Variants in CALN1 observed in about 807,000 individuals in gnomAD.
CALN1 encodes the protein calneuron 1, also known as calcium-binding protein 8.
In CALN1, 17 loss-of-function variants were observed where a neutral mutation model predicts 30.6. The observed-to-expected ratio is 0.56, with a 90% CI of 0.38 to 0.83. The LOEUF is 0.83. Among genes scored for constraint, CALN1 ranks in the 40% least tolerant of loss-of-function variants. The probability of loss-of-function intolerance (pLI) is 0.00; values close to 1 mark genes in which losing one functional copy is unlikely to be tolerated. For synonymous variants in CALN1, 156 were observed against 131.4 expected (o/e 1.19, Z -1.28); for missense variants, 291 against 354.9 (o/e 0.82, Z 1.45).
chr7:72,246,636 A>T (rs1795176466), intron 3 of CALN1, among the ~76,000 whole-genome samples: 1 of 152,204 alleles, frequency 6.6e-6, no homozygotes. Context: ...AGTGGACAGG[A>T]GAAAAAAAGA....
rs1042277856 is a variant in CALN1, at chr7:72,051,829, G to A, written c.389-28060C>T. On this transcript the variant is annotated intron_variant, in intron 4 of 6. Coordinates refer to ENST00000395275, the MANE Select transcript of CALN1 (RefSeq NM_031468.4). Reference sequence around the variant, plus strand: ...GTGGTCTCTATGGAAGCTGCAAACAGTGCTGGGGAAAATACTAGATTCCTT... The same window carrying A: ...GTGGTCTCTATGGAAGCTGCAAACAATGCTGGGGAAAATACTAGATTCCTT... Among the ~76,000 whole-genome samples the A allele has an allele frequency of 2.0e-5, 3 of 152,168 alleles. No individual in the cohort carries two copies. The East Asian group carries it at 5.8e-4, about 29-fold the overall frequency.
intron 2 of CALN1, among the ~76,000 whole-genome samples, chr7:72,364,626 C>T (rs567681055): frequency 3.5e-4 from 53 of 152,188 alleles, no homozygotes; most frequent in African/African-American, 1.2e-3. Flanking sequence ...AGTACGGAAA[C>T]AGACAAACAT....
At chr7:71,952,652 TAGCGATCTCAACTCA>T (rs1280165109) in intron 5 of CALN1, among the ~76,000 whole-genome samples, 3 of 108,198 alleles carry the variant, frequency 2.8e-5, no homozygotes, top group Admixed American at 2.7e-4. Context: ...TGTAGATCGC[TAGCGATCTCAACTCA>T]TTCCTGGACT....
intron 3 of CALN1, among the ~76,000 whole-genome samples, chr7:72,134,819 T>C (rs1464501777): frequency 5.3e-5 from 8 of 152,242 alleles, no homozygotes; most frequent in African/African-American, 1.9e-4. Flanking sequence ...TAGCATGCAA[T>C]GCTGTTTGAC....
chr7:72,224,501 T>C (rs1201254990), intron 3 of CALN1, among the ~76,000 whole-genome samples: 2 of 152,044 alleles, frequency 1.3e-5, no homozygotes, highest in African/African-American at 4.8e-5. Context: ...GAGCAGGATA[T>C]GGCCAGACAT....
chr7:72,209,319 TC>T lies in CALN1; in HGVS notation c.244+69366del, dbSNP rs1256523864. Among the ~76,000 whole-genome samples the T allele has an allele frequency of 0.016, 1,148 of 71,118 alleles. 336 individuals carry two copies. In the East Asian group the frequency reaches 0.19, roughly 12 times the overall value. The allele number at this position is 71,118 out of a possible 152,430, so 46.7% of individuals were successfully genotyped here. On this transcript the variant is annotated intron_variant, in intron 3 of 6. Transcript: ENST00000395275. Reference sequence around the variant, plus strand: ...TTCCCTCTTTCCTTCCCTCCTTCCCTCCTTCCCTCTTTCCTTCCCTCTTTCC... The same window carrying T: ...TTCCCTCTTTCCTTCCCTCCTTCCCTCTTCCCTCTTTCCTTCCCTCTTTCC...
chr7:72,326,156 G>T (rs1394899812), intron 2 of CALN1, among the ~76,000 whole-genome samples: 2 of 152,176 alleles, frequency 1.3e-5, no homozygotes, highest in Non-Finnish European at 2.9e-5. Flanking sequence ...GCCTGCCTGG[G>T]CCTCCCAAAG....
At chr7:72,457,155 T>C in the CALN1 span, among the ~76,000 whole-genome samples, 2 of 152,066 alleles carry the variant, frequency 1.3e-5, no homozygotes, top group Non-Finnish European at 1.5e-5. Context: ...ATTACAGGCA[T>C]GTGCCACTAT....
At chr7:72,397,942 C>G (rs1475782947) in intron 2 of CALN1, among the ~76,000 whole-genome samples, 1 of 152,122 alleles carries the variant, frequency 6.6e-6, no homozygotes, top group Non-Finnish European at 1.5e-5. Flanking sequence ...GTGAGGTACA[C>G]TCTCCCCTAA....
chr7:71,804,651 T>G (rs902795839), intron 6 of CALN1, among the ~76,000 whole-genome samples: 3 of 152,064 alleles, frequency 2.0e-5, no homozygotes, highest in African/African-American at 7.2e-5. Context: ...AAACCCCGTC[T>G]CTACTAAAAA....
chr7:71,840,202 C>A (rs1789851716), intron 5 of CALN1, among the ~76,000 whole-genome samples: 1 of 145,982 alleles, frequency 6.9e-6, no homozygotes, highest in Non-Finnish European at 1.6e-5. Flanking sequence ...GTGGCTCACA[C>A]CTGTAATCCC....
At position 72,382,240 on chromosome 7, in the gene CALN1, G is replaced by C. The variant is rs578134867; in HGVS notation, c.119+21011C>G. Among the ~76,000 whole-genome samples the C allele has an allele frequency of 3.4e-4, 51 of 152,110 alleles. 1 individual carries two copies. Among genetic ancestry groups the C allele is most frequent in the Non-Finnish European group, 6.2e-4 (42 of 68,016 alleles). On this transcript the variant is annotated intron_variant, in intron 2 of 6. Transcript: ENST00000395275. ...CTATATCCAGGGAGATTAGCAATAG[G>C]AATTTTTCTGTCAGTGCAAGACATT... is the stretch of plus-strand genomic sequence containing the variant.
intron 5 of CALN1, among the ~76,000 whole-genome samples, chr7:72,008,743 C>A (rs1799913303): frequency 6.6e-6 from 1 of 151,448 alleles, no homozygotes; most frequent in Admixed American, 6.6e-5. Context: ...GCAACCTCCG[C>A]CTCCCGGGTT....
At chr7:72,451,212 G>GAAGAAGAAGA (rs1562973699), upstream of CALN1, among the ~76,000 whole-genome samples, 34 of 102,122 alleles carry the variant, frequency 3.3e-4, no homozygotes, top group African/African-American at 1.7e-3. Context: ...GAAGAAGAAG[G>GAAGAAGAAGA]AGGAGGAGGA....
At chr7:72,419,544 C>T (rs1807541419) in intron 1 of CALN1, among the ~76,000 whole-genome samples, 1 of 152,132 alleles carries the variant, frequency 6.6e-6, no homozygotes, top group Admixed American at 6.5e-5. Context: ...CCCCACTTCT[C>T]CCAGTTGGCC....
At chr7:72,250,927 T>C (rs997113287) in intron 3 of CALN1, among the ~76,000 whole-genome samples, 3 of 152,142 alleles carry the variant, frequency 2.0e-5, no homozygotes, top group Non-Finnish European at 2.9e-5. Flanking sequence ...ACCATCCTTT[T>C]CCAACCTCTG....
the CALN1 span, among the ~76,000 whole-genome samples, chr7:72,467,630 G>T: frequency 6.6e-6 from 1 of 152,112 alleles, no homozygotes; most frequent in East Asian, 1.9e-4. Context: ...ATCAGAGCTG[G>T]CCGTCCATAG....
rs759838804 is a variant in CALN1 at position 71,810,507 on chromosome 7, A to T, written c.502-15T>A. ...TGCATGTCAAACTGTGGAGATAAAG[A>T]GTAGTGAGATGGTCAGAAGCATGTG... On this transcript the variant is annotated splice_polypyrimidine_tract_variant and intron_variant, in intron 5 of 6. Transcript: ENST00000395275. 6.2e-7 allele frequency: 1 copy of T among 1,611,698 alleles called. No individual in the cohort carries two copies. The highest frequency in any genetic ancestry group is 1.1e-5 in the South Asian group (1 of 90,724).
intron 6 of CALN1, among the ~76,000 whole-genome samples, chr7:71,805,875 T>C (rs930766453): frequency 1.2e-4 from 18 of 152,158 alleles, no homozygotes; most frequent in African/African-American, 3.1e-4. Flanking sequence ...AAAGAAAGTG[T>C]GTACATATAC....
Sources: allele counts gnomAD v4.1 joint callset (sites outside exome capture counted in the v4.1 genomes callset), GRCh38; gene constraint gnomAD v4.1.1; transcripts MANE v1.5; gene names NCBI Gene and HGNC (gene_info 2026-07-23, HGNC 2026-07-21).